Variants in NSMCE4A observed in about 807,000 individuals in gnomAD.
NSMCE4A encodes the protein NSE4A component of SMC5/6 complex.
A neutral mutation model predicts 47.9 loss-of-function variants in NSMCE4A; 40 were observed. The observed-to-expected ratio is 0.83, with a 90% CI of 0.65 to 1.09. NSMCE4A has a LOEUF of 1.09. Ranked by LOEUF, NSMCE4A falls within the 50% of genes least tolerant of loss-of-function variation. The pLI is 0.00. For missense variants in NSMCE4A, 500 were observed against 507.0 expected, an observed-to-expected ratio of 0.99 and a Z score of 0.13; for synonymous variants, 166 against 178.5, an observed-to-expected ratio of 0.93 and a Z score of 0.56.
chr10:121,969,288 T>C (rs1952661820), intron 3 of NSMCE4A, among the ~76,000 whole-genome samples: 1 of 152,074 alleles, frequency 6.6e-6, no homozygotes, highest in Non-Finnish European at 1.5e-5. Flanking sequence ...TGAGCTGAGA[T>C]CGTGCCACTG....
chr10:121,975,179 C>G lies in NSMCE4A; in HGVS notation c.-14G>C, dbSNP rs142979292. 19,097 of 1,361,790 alleles carry G rather than the reference C, an allele frequency of 0.014. 169 individuals carry two copies. Among genetic ancestry groups the G allele is most frequent in the Non-Finnish European group, 0.016 (16,616 of 1,063,626 alleles). 84.4% of individuals were successfully genotyped at this position (1,361,790 alleles called of 1,614,324 possible). On this transcript the variant is annotated 5_prime_UTR_variant, in exon 1 of 11. Transcript: ENST00000369023. ...GTCCCCAGACATAGCGCCAATTCACCGTGCAACTTCGGAACGGCGGAAGTT... is the reference window on the plus strand; with the variant it reads ...GTCCCCAGACATAGCGCCAATTCACGGTGCAACTTCGGAACGGCGGAAGTT...
At chr10:121,963,128 A>G (rs1952531923) in intron 6 of NSMCE4A, 110 bp downstream of exon 6, 1 of 501,500 alleles carries the variant, frequency 2.0e-6, no homozygotes, top group African/African-American at 1.9e-5. Context: ...CATAAAATGC[A>G]TATGTATTTA....
At chr10:121,968,680 C>A (rs1027444476) in intron 3 of NSMCE4A, among the ~76,000 whole-genome samples, 3 of 152,032 alleles carry the variant, frequency 2.0e-5, no homozygotes, top group African/African-American at 7.2e-5. Flanking sequence ...CTGTAAAATG[C>A]CTAGAAGTTA....
intron 2 of NSMCE4A, among the ~76,000 whole-genome samples, chr10:121,971,522 AC>A (rs1359110854): frequency 2.6e-5 from 4 of 151,922 alleles, no homozygotes; most frequent in Non-Finnish European, 5.9e-5. Flanking sequence ...AAAAACAAAA[AC>A]AAAAAAAAAC....
At chr10:121,968,432 G>T (rs547702938) in intron 3 of NSMCE4A, among the ~76,000 whole-genome samples, 28 of 152,278 alleles carry the variant, frequency 1.8e-4, no homozygotes, top group African/African-American at 6.7e-4. Flanking sequence ...GCACAAGGAA[G>T]TTCAGCTGGT....
At chr10:121,972,254 G>A (rs1371308134) in intron 2 of NSMCE4A, among the ~76,000 whole-genome samples, 5 of 152,130 alleles carry the variant, frequency 3.3e-5, no homozygotes, top group African/African-American at 1.2e-4. Context: ...CCTGGGGGGG[G>A]CAGAGGTTGC....
At chr10:121,959,053 T>C (rs112202054) in intron 10 of NSMCE4A, among the ~76,000 whole-genome samples, 9,653 of 152,210 alleles carry the variant, frequency 0.063, 1,026 homozygotes, top group African/African-American at 0.22. Context: ...GACCTCATGA[T>C]CCGCTTGCCT....
At chr10:121,964,035 G>A (rs1019597934) in intron 5 of NSMCE4A, among the ~76,000 whole-genome samples, 1 of 143,388 alleles carries the variant, frequency 7.0e-6, no homozygotes, top group Non-Finnish European at 1.5e-5. Context: ...GGCGGAGGTT[G>A]CAGTGAGCCG....
intron 3 of NSMCE4A, among the ~76,000 whole-genome samples, chr10:121,969,121 G>A (rs1302471377): frequency 6.6e-6 from 1 of 152,206 alleles, no homozygotes; most frequent in Non-Finnish European, 1.5e-5. Context: ...CAGGCGGGTG[G>A]ATCACGAAGT....
chr10:121,957,144 A>T lies in NSMCE4A; in HGVS notation c.*128T>A, dbSNP rs1026752768. 6 of 152,636 alleles carry T rather than the reference A, an allele frequency of 3.9e-5. No individual in the cohort carries two copies. Among genetic ancestry groups the T allele is most frequent in the Admixed American group, 1.3e-4 (2 of 15,278 alleles). 9.5% of individuals were successfully genotyped at this position (152,636 alleles called of 1,614,324 possible). A position where few individuals can be genotyped will look rare whatever the true frequency, so the allele number is the denominator to read the frequency against. On this transcript the variant is annotated 3_prime_UTR_variant, in exon 11 of 11. Coordinates refer to ENST00000369023, the MANE Select transcript of NSMCE4A (RefSeq NM_017615.3). ...AATCAAAGACAACCATGACAAATTTATTAACTATCAAAAGCTACATTTTAC... is the reference window on the plus strand; with the variant it reads ...AATCAAAGACAACCATGACAAATTTTTTAACTATCAAAAGCTACATTTTAC...
intron 1 of NSMCE4A, chr10:121,974,335 A>T (rs1415855505): frequency 2.3e-6 from 3 of 1,290,818 alleles, no homozygotes; most frequent in African/African-American, 1.5e-5. Flanking sequence ...CTCCGGCTGC[A>T]GCCTCTGAGT....
intron 6 of NSMCE4A, 49 bp from the exon 7 acceptor site, chr10:121,961,566 T>G: frequency 2.7e-6 from 3 of 1,118,520 alleles, no homozygotes; most frequent in Non-Finnish European, 3.8e-6. Context: ...GTCATTAATA[T>G]CAGTACACTC....
chr10:121,972,840 G>A (rs1379309114), intron 2 of NSMCE4A, among the ~76,000 whole-genome samples: 1 of 152,090 alleles, frequency 6.6e-6, no homozygotes, highest in African/African-American at 2.4e-5. Context: ...AGGAGGCTGT[G>A]GTCAAAGAAA....
At chr10:121,969,683 G>C (rs1200259760) in intron 3 of NSMCE4A, among the ~76,000 whole-genome samples, 1 of 152,168 alleles carries the variant, frequency 6.6e-6, no homozygotes, top group African/African-American at 2.4e-5. Flanking sequence ...ATCTGTGCTA[G>C]GACAGAGGTT....
chr10:121,965,447 TAC>T, intron 4 of NSMCE4A, 62 bp from the exon 5 acceptor site: 1 of 1,309,272 alleles, frequency 7.6e-7, no homozygotes, highest in Non-Finnish European at 1.1e-6. Context: ...AAACTAACTT[TAC>T]TAACTAAAAG....
At position 121,965,399 on chromosome 10, in the gene NSMCE4A, T is replaced by C. The variant is rs1564994542; in HGVS notation, c.654-14A>G. 3 of 1,579,156 alleles carry C rather than the reference T, an allele frequency of 1.9e-6. No homozygotes were observed. The highest frequency in any genetic ancestry group is 1.1e-5 in the South Asian group (1 of 87,304). ...ATTGAACCCAACCTAATGAAAAGTA[T>C]GCTTTCATTTATTTTTTTTGCCTGT... On this transcript the variant is annotated splice_polypyrimidine_tract_variant and intron_variant, in intron 4 of 10. Transcript: ENST00000369023.
chr10:121,973,238 CAAAAA>C (rs11327063), intron 2 of NSMCE4A, among the ~76,000 whole-genome samples: 1 of 132,158 alleles, frequency 7.6e-6, no homozygotes. Flanking sequence ...TCTCAAACCT[CAAAAA>C]AAAAAAAAAA....
At position 121,975,005 on chromosome 10, in the gene NSMCE4A, C is replaced by T; in HGVS notation, c.161G>A (p.Ser54Asn). 1 of 1,508,820 alleles carries T rather than the reference C, an allele frequency of 6.6e-7. No individual in the cohort carries two copies. Among genetic ancestry groups the T allele is most frequent in the East Asian group, 2.8e-5 (1 of 35,500 alleles). The allele number at this position is 1,508,820 out of a possible 1,614,324, so 93.5% of individuals were successfully genotyped here. A position where few individuals can be genotyped will look rare whatever the true frequency, so the allele number is the denominator to read the frequency against. The change falls in exon 1 of 11, where the codon AGC (serine) becomes AAC (asparagine). Residue 54 changes from serine to asparagine, a missense_variant. By Grantham distance (46) the Ser-to-Asn change is conservative. Coordinates refer to ENST00000369023, the MANE Select transcript of NSMCE4A (RefSeq NM_017615.3). ...ATCCGACGGCTCTGTGTCCTCCAGGCTCGGGCGCTCTGGGGCCTCTCTGCG... is the reference window on the plus strand; with the variant it reads ...ATCCGACGGCTCTGTGTCCTCCAGGTTCGGGCGCTCTGGGGCCTCTCTGCG... The part of the protein sequence containing the change: ...RERREAPERP[S>N]LEDTEPSDSG...
At chr10:121,962,053 T>G in intron 6 of NSMCE4A, 1 of 350,122 alleles carries the variant, frequency 2.9e-6, no homozygotes, top group Non-Finnish European at 5.6e-6. Flanking sequence ...GAGGTTGCAG[T>G]GAGTTGAGAT....
Sources: allele counts gnomAD v4.1 joint callset (sites outside exome capture counted in the v4.1 genomes callset), GRCh38; gene constraint gnomAD v4.1.1; transcripts MANE v1.5; gene names NCBI Gene and HGNC (gene_info 2026-07-23, HGNC 2026-07-21).